The following C2orf42 variants were observed in gnomAD, a reference collection of about 807,000 sequenced individuals.
C2orf42 encodes the protein chromosome 2 open reading frame 42, also known as uncharacterized protein C2orf42.
A neutral mutation model predicts 58.9 loss-of-function variants in C2orf42; 44 were observed. The observed-to-expected ratio is 0.75, with a 90% confidence interval of 0.59 to 0.96. The LOEUF (loss-of-function observed/expected upper bound fraction) is 0.96, where lower values mean the gene tolerates loss of function less well. Ranked by LOEUF, C2orf42 falls within the 40% of genes least tolerant of loss-of-function variation. The pLI is 0.00. For synonymous variants in C2orf42, 239 were observed against 265.4 expected (o/e 0.90, Z 0.97); for missense variants, 630 against 699.2 (o/e 0.90, Z 1.12).
At position 70,157,012 on chromosome 2, in the gene C2orf42, ACT is replaced by A. The variant is rs138666558; in HGVS notation, c.1516+3611_1516+3612del. On this transcript the variant is annotated intron_variant, in intron 9 of 9. Coordinates refer to ENST00000264434, the MANE Select transcript of C2orf42 (RefSeq NM_017880.3). ...TTTACGTTAACAACATCTGGCAATA[ACT>A]CTGATGTACCAACAACACTGCATTT... is the stretch of plus-strand genomic sequence containing the variant. 7.0e-3 allele frequency among the ~76,000 whole-genome samples: 1,065 copies of A among 152,318 alleles called. 12 individuals carry two copies. Among genetic ancestry groups the A allele is most frequent in the African/African-American group, 0.025 (1,020 of 41,578 alleles).
At chr2:70,167,719 T>TCCA (rs1261115920) in intron 6 of C2orf42, among the ~76,000 whole-genome samples, 4 of 151,370 alleles carry the variant, frequency 2.6e-5, no homozygotes, top group Admixed American at 1.3e-4. Flanking sequence ...CCAGCCTGTG[T>TCCA]GACAGAGCAA....
chr2:70,184,317 C>T (rs1322400174), intron 1 of C2orf42, among the ~76,000 whole-genome samples: 1 of 151,932 alleles, frequency 6.6e-6, no homozygotes, highest in African/African-American at 2.4e-5. Context: ...ACCTCCGCCT[C>T]CCGGGCTCAA....
intron 9 of C2orf42, among the ~76,000 whole-genome samples, chr2:70,155,058 A>G (rs959951548): frequency 2.6e-5 from 4 of 152,062 alleles, no homozygotes; most frequent in South Asian, 2.1e-4. Context: ...ATCCTGGCCA[A>G]CATGGTGAAA....
At chr2:70,182,460 A>G (rs779389701) in intron 2 of C2orf42, 27 of 154,012 alleles carry the variant, frequency 1.8e-4, no homozygotes, top group Non-Finnish European at 3.5e-4. Context: ...AAACAAAATG[A>G]AAGTGGAAAC....
chr2:70,162,304 C>T (rs910207315), intron 8 of C2orf42, among the ~76,000 whole-genome samples: 22 of 149,694 alleles, frequency 1.5e-4, no homozygotes, highest in Non-Finnish European at 3.1e-4. Flanking sequence ...AGCCACCTCG[C>T]CAGCCTCTTT....
chr2:70,188,257 G>A (rs1407198066), intron 1 of C2orf42, among the ~76,000 whole-genome samples: 4 of 151,122 alleles, frequency 2.6e-5, no homozygotes, highest in African/African-American at 9.7e-5. Context: ...GCGTGATCTT[G>A]GCTCACTGCA....
intron 6 of C2orf42, among the ~76,000 whole-genome samples, chr2:70,169,018 T>G (rs1245509008): frequency 6.6e-6 from 1 of 152,006 alleles, no homozygotes; most frequent in Non-Finnish European, 1.5e-5. Flanking sequence ...CCGGCCAGTA[T>G]GTTTAGTAAT....
At chr2:70,151,868 C>T (rs1411240111) in intron 9 of C2orf42, among the ~76,000 whole-genome samples, 3 of 151,910 alleles carry the variant, frequency 2.0e-5, no homozygotes, top group African/African-American at 7.3e-5. Flanking sequence ...CTGCAACCTC[C>T]ACCTCCTGGG....
chr2:70,166,571 G>A (rs1673421707), intron 6 of C2orf42, among the ~76,000 whole-genome samples: 1 of 150,008 alleles, frequency 6.7e-6, no homozygotes, highest in Non-Finnish European at 1.5e-5. Context: ...AGCTACTCAG[G>A]AAGCTGAGGC....
In C2orf42 at chr2:70,150,296, A is replaced by C; in HGVS notation, c.*60T>G. On this transcript the variant is annotated 3_prime_UTR_variant, in exon 10 of 10. Coordinates refer to ENST00000264434, the MANE Select transcript of C2orf42 (RefSeq NM_017880.3). The stretch of plus-strand genomic sequence containing the variant: ...ATCTAAGTGCCTAACTAGCATTTAA[A>C]GTTGTCAAGGGGTGGGGATGTGCAA... The C allele has an allele frequency of 6.9e-7, 1 of 1,444,874 alleles. No homozygotes were observed. Among genetic ancestry groups the C allele is most frequent in the Non-Finnish European group, 9.7e-7 (1 of 1,034,846 alleles). 89.5% of individuals were successfully genotyped at this position (1,444,874 alleles called of 1,614,324 possible). A position where few individuals can be genotyped will look rare whatever the true frequency, so the allele number is the denominator to read the frequency against.
intron 1 of C2orf42, among the ~76,000 whole-genome samples, chr2:70,183,439 T>C (rs375380995): frequency 2.0e-5 from 3 of 151,472 alleles, no homozygotes; most frequent in Non-Finnish European, 2.9e-5. Flanking sequence ...TTTTTTTTTT[T>C]CTTCTTTGAG....
intron 9 of C2orf42, 43 bp from the exon 10 acceptor site, chr2:70,150,607 T>A (rs780175618): frequency 6.9e-7 from 1 of 1,447,458 alleles, no homozygotes; most frequent in Admixed American, 1.7e-5. Flanking sequence ...CACCTAACTC[T>A]AATGGGTGTT....
At chr2:70,182,026 GA>G in intron 2 of C2orf42, 29 bp from the exon 3 acceptor site, 1 of 999,346 alleles carries the variant, frequency 1.0e-6, no homozygotes, top group Non-Finnish European at 1.5e-6. Context: ...CCAACAGTAT[GA>G]GTATACCTTC....
intron 8 of C2orf42, among the ~76,000 whole-genome samples, chr2:70,162,626 G>A (rs913613533): frequency 2.6e-5 from 4 of 151,710 alleles, no homozygotes; most frequent in Non-Finnish European, 5.9e-5. Context: ...CTAGACAACA[G>A]AGTGAGACTC....
intron 8 of C2orf42, among the ~76,000 whole-genome samples, chr2:70,163,951 C>CTTGAACCCAGGAAT (rs1673227055): frequency 6.6e-6 from 1 of 152,002 alleles, no homozygotes. Context: ...GGGAGGACTG[C>CTTGAACCCAGGAAT]TTGAACCCAG....
chr2:70,180,630 A>AAAT (rs1674493680), intron 3 of C2orf42, among the ~76,000 whole-genome samples: 2 of 150,460 alleles, frequency 1.3e-5, no homozygotes, highest in African/African-American at 4.9e-5. Context: ...AAAAAAAAAA[A>AAAT]ATCAAGAGAT....
At chr2:70,175,258 A>G (rs1231877127) in intron 5 of C2orf42, among the ~76,000 whole-genome samples, 1 of 152,074 alleles carries the variant, frequency 6.6e-6, no homozygotes, top group African/African-American at 2.4e-5. Flanking sequence ...CATCACACCC[A>G]GCCTCATCAC....
intron 1 of C2orf42, among the ~76,000 whole-genome samples, chr2:70,186,852 G>T (rs1447317486): frequency 6.6e-6 from 1 of 150,522 alleles, no homozygotes; most frequent in Admixed American, 6.7e-5. Flanking sequence ...CTATCGCAAG[G>T]ACAAAAAACC....
intron 7 of C2orf42, 34 bp from the exon 8 acceptor site, chr2:70,165,226 CA>C: frequency 1.7e-6 from 2 of 1,158,644 alleles, no homozygotes; most frequent in African/African-American, 1.5e-5. Context: ...ATTAGATTAC[CA>C]AAAAATAACA....
Sources: allele counts gnomAD v4.1 joint callset (sites outside exome capture counted in the v4.1 genomes callset), GRCh38; gene constraint gnomAD v4.1.1; transcripts MANE v1.5; gene names NCBI Gene and HGNC (gene_info 2026-07-23, HGNC 2026-07-21).